Variants in PPA1 observed in about 807,000 individuals in gnomAD.
PPA1 encodes the protein inorganic pyrophosphatase 1.
PPA1 carries 23 observed loss-of-function variants against 41.8 expected under a neutral mutation model. The observed-to-expected ratio is 0.55, with a 90% confidence interval of 0.40 to 0.78. The LOEUF (loss-of-function observed/expected upper bound fraction) is 0.78, where lower values mean the gene tolerates loss of function less well. PPA1 is among the 30% of genes least tolerant of loss of function. The probability of loss-of-function intolerance (pLI) is 0.00; values close to 1 mark genes in which losing one functional copy is unlikely to be tolerated. For missense variants in PPA1, 320 were observed against 361.6 expected (o/e 0.89, Z 0.93); for synonymous variants, 101 against 116.8 (o/e 0.86, Z 0.87).
chr10:70,207,394 T>A (rs866004987), intron 8 of PPA1, among the ~76,000 whole-genome samples: 2 of 152,196 alleles, frequency 1.3e-5, no homozygotes, highest in South Asian at 4.1e-4. Flanking sequence ...AGACTAGGCA[T>A]GGTGGCTCGC....
intron 6 of PPA1, chr10:70,210,530 C>G: frequency 1.0e-6 from 1 of 975,008 alleles, no homozygotes. Context: ...TACTTTAGTT[C>G]TGGCTGACAG....
intron 1 of PPA1, 33 bp downstream of exon 1, chr10:70,233,231 G>A: frequency 1.3e-6 from 2 of 1,527,444 alleles, no homozygotes; most frequent in African/African-American, 1.4e-5. Flanking sequence ...TGGGCGGACG[G>A]GCGCGGAGGG....
rs1840315872 is a variant in PPA1 at position 70,233,401 on chromosome 10, G to A, written c.-74C>T. Reference sequence around the variant, plus strand: ...CGCGGCGCCGACTGACAAGGAGAGAGCCCCACGCCTGCGCACTGCGAGCAC... The same window carrying A: ...CGCGGCGCCGACTGACAAGGAGAGAACCCCACGCCTGCGCACTGCGAGCAC... On this transcript the variant is annotated 5_prime_UTR_variant, in exon 1 of 11. Transcript: ENST00000373232. The A allele has an allele frequency of 1.3e-5, 20 of 1,510,192 alleles. No homozygotes were observed. The highest frequency in any genetic ancestry group is 2.5e-5 in the South Asian group (2 of 80,588). The allele number at this position is 1,510,192 out of a possible 1,614,324, so 93.5% of individuals were successfully genotyped here. A position where few individuals can be genotyped will look rare whatever the true frequency, so the allele number is the denominator to read the frequency against.
intron 4 of PPA1, among the ~76,000 whole-genome samples, chr10:70,214,966 G>A (rs544302897): frequency 6.6e-6 from 1 of 152,260 alleles, no homozygotes; most frequent in African/African-American, 2.4e-5. Context: ...AGGCTGAGGA[G>A]AGTGGATCAC....
chr10:70,215,222 A>C (rs1589893155), intron 4 of PPA1, among the ~76,000 whole-genome samples: 1 of 152,158 alleles, frequency 6.6e-6, no homozygotes, highest in African/African-American at 2.4e-5. Context: ...CAAACAAAAA[A>C]AGAAAACAAA....
intron 2 of PPA1, among the ~76,000 whole-genome samples, chr10:70,225,582 G>A (rs1000103873): frequency 6.6e-6 from 1 of 151,490 alleles, no homozygotes; most frequent in African/African-American, 2.4e-5. Flanking sequence ...GAGGTAGAGA[G>A]AATTTTCTTC....
chr10:70,213,503 A>G lies in PPA1; in HGVS notation c.471T>C (p.Ile157=). Residue 157 remains isoleucine (I), a synonymous_variant, in exon 6 of 11, where the codon ATT becomes ATC. Coordinates refer to ENST00000373232, the MANE Select transcript of PPA1 (RefSeq NM_021129.4). ...CATCAGGATCATCCACATTAATGGC[A>G]ATGACTTTCCAGTCGGTTTCCCCTT... ...IDEGETDWKV[I]AINVDDPDAA... The G allele has an allele frequency of 6.2e-7, 1 of 1,614,054 alleles. No individual in the cohort carries two copies. Among genetic ancestry groups the G allele is most frequent in the East Asian group, 2.2e-5 (1 of 44,864 alleles).
At chr10:70,209,465 C>A in intron 7 of PPA1, 93 bp downstream of exon 7, 1 of 1,442,534 alleles carries the variant, frequency 6.9e-7, no homozygotes, top group Non-Finnish European at 9.4e-7. Context: ...TTCCAGACTT[C>A]TGTTTTGTGA....
chr10:70,219,837 T>C (rs900585170), intron 2 of PPA1, among the ~76,000 whole-genome samples: 2 of 152,226 alleles, frequency 1.3e-5, no homozygotes, highest in African/African-American at 4.8e-5. Context: ...GGTTATTTAA[T>C]TAAACTTGAG....
intron 4 of PPA1, 76 bp downstream of exon 4, chr10:70,217,736 C>T: frequency 7.6e-7 from 1 of 1,307,470 alleles, no homozygotes; most frequent in South Asian, 2.3e-5. Context: ...GGTATTCAAA[C>T]CTTTTTTACT....
intron 4 of PPA1, among the ~76,000 whole-genome samples, chr10:70,216,918 C>G (rs1210768820): frequency 6.6e-6 from 1 of 152,078 alleles, no homozygotes; most frequent in Admixed American, 6.6e-5. Context: ...ACCTGTAATC[C>G]CAGCACTTTG....
At chr10:70,206,399 A>T in intron 8 of PPA1, 66 bp from the exon 9 acceptor site, 3 of 1,240,446 alleles carry the variant, frequency 2.4e-6, no homozygotes. Flanking sequence ...GAGTTAAAAA[A>T]TGAGTTGAAA....
At chr10:70,210,581 C>T (rs999458626) in intron 6 of PPA1, among the ~76,000 whole-genome samples, 10 of 152,082 alleles carry the variant, frequency 6.6e-5, no homozygotes, top group Non-Finnish European at 1.3e-4. Context: ...TCTGTATAGC[C>T]ATCAACAATG....
chr10:70,206,544 G>C (rs909339640), intron 8 of PPA1, among the ~76,000 whole-genome samples: 2 of 151,872 alleles, frequency 1.3e-5, no homozygotes, highest in African/African-American at 4.8e-5. Context: ...AACAAGTTCG[G>C]ATTTAAGAAA....
chr10:70,212,748 G>C (rs1204540920), intron 6 of PPA1, among the ~76,000 whole-genome samples: 4 of 151,176 alleles, frequency 2.6e-5, no homozygotes, highest in Non-Finnish European at 4.4e-5. Flanking sequence ...GCACAACCTT[G>C]TGAATGAATG....
intron 2 of PPA1, 151 bp downstream of exon 2, chr10:70,230,190 T>G: frequency 1.3e-4 from 118 of 903,840 alleles, no homozygotes; most frequent in Non-Finnish European, 1.8e-4. Context: ...ATTACAGGCG[T>G]GAGCCACCAC....
At chr10:70,211,929 T>C (rs1222652572) in intron 6 of PPA1, among the ~76,000 whole-genome samples, 1 of 152,220 alleles carries the variant, frequency 6.6e-6, no homozygotes, top group African/African-American at 2.4e-5. Context: ...TTCCAGTCCT[T>C]CTTCAATGAA....
chr10:70,233,071 G>A (rs1414400344), intron 1 of PPA1, among the ~76,000 whole-genome samples, 193 bp downstream of exon 1: 1 of 152,192 alleles, frequency 6.6e-6, no homozygotes, highest in Non-Finnish European at 1.5e-5. Flanking sequence ...GATGGCCGGA[G>A]GCGACCCTCG....
intron 2 of PPA1, among the ~76,000 whole-genome samples, chr10:70,229,586 T>G (rs550457910): frequency 1.3e-5 from 2 of 152,174 alleles, no homozygotes; most frequent in East Asian, 3.9e-4. Flanking sequence ...CTGTATTAAC[T>G]CTATCTTAAC....
Sources: gnomAD v4.1 joint callset for allele counts (sites outside exome capture counted in the v4.1 genomes callset) on GRCh38, gnomAD v4.1.1 for gene constraint, MANE v1.5 for transcripts, NCBI Gene and HGNC (gene_info 2026-07-23, HGNC 2026-07-21) for gene names.